The following TENM3 variants were observed in gnomAD, a reference collection of about 807,000 sequenced individuals.
The protein encoded by TENM3 is teneurin-3.
TENM3 carries 63 observed loss-of-function variants against 255.1 expected under a neutral mutation model. The observed-to-expected ratio is 0.25, with a 90% CI of 0.20 to 0.30. The LOEUF (loss-of-function observed/expected upper bound fraction) is 0.30. Ranked by LOEUF, TENM3 falls within the 10% of genes least tolerant of loss-of-function variation. The pLI, the probability that TENM3 is intolerant of heterozygous loss-of-function variation, is 1.00. For missense variants in TENM3, 2,929 were observed against 3,461.1 expected, an observed-to-expected ratio of 0.85 and a Z score of 3.86; for synonymous variants, 1,306 against 1,322.3, an observed-to-expected ratio of 0.99 and a Z score of 0.27.
chr4:182,475,787 T>C (rs536442975), intron 3 of TENM3, among the ~76,000 whole-genome samples: 1 of 152,314 alleles, frequency 6.6e-6, no homozygotes, highest in East Asian at 1.9e-4. Context: ...TTAATGTCTG[T>C]CTGTATTGAA....
chr4:182,346,374 G>A (rs1018447970), intron 2 of TENM3, among the ~76,000 whole-genome samples: 2 of 152,004 alleles, frequency 1.3e-5, no homozygotes, highest in African/African-American at 4.8e-5. Context: ...GAGTTCTCAT[G>A]GTTGGGGCCA....
chr4:182,353,208 C>T lies in TENM3; in HGVS notation c.511+6279C>T, dbSNP rs563874144. On this transcript the variant is annotated intron_variant, in intron 3 of 27. Coordinates refer to ENST00000511685, the MANE Select transcript of TENM3 (RefSeq NM_001080477.4). Reference sequence around the variant, plus strand: ...GCTTTATCCAGGAACCTTTTCTGAGCCTACTTTGGTTGTTGATTGAAAGAC... The same window carrying T: ...GCTTTATCCAGGAACCTTTTCTGAGTCTACTTTGGTTGTTGATTGAAAGAC... 5.3e-5 allele frequency among the ~76,000 whole-genome samples: 8 copies of T among 152,216 alleles called. No homozygotes were observed. The South Asian group carries it at 1.7e-3, about 32-fold the overall frequency.
chr4:182,707,155 T>C (rs1758342349), intron 12 of TENM3, among the ~76,000 whole-genome samples: 1 of 152,122 alleles, frequency 6.6e-6, no homozygotes, highest in East Asian at 1.9e-4. Context: ...TCTTGATTGT[T>C]CTCTTTTCCT....
At chr4:182,542,899 A>G (rs1434375816) in intron 3 of TENM3, among the ~76,000 whole-genome samples, 3 of 152,220 alleles carry the variant, frequency 2.0e-5, no homozygotes, top group Non-Finnish European at 4.4e-5. Context: ...AATCCTCACA[A>G]CAATTCTCGT....
At chr4:182,039,897 A>AAGGAGAGG in the TENM3 span, among the ~76,000 whole-genome samples, 1 of 145,410 alleles carries the variant, frequency 6.9e-6, no homozygotes, top group South Asian at 2.3e-4. Context: ...ATGGAAACGA[A>AAGGAGAGG]AGGAGAGGAG....
At chr4:182,422,328 C>T (rs1770896926) in intron 3 of TENM3, among the ~76,000 whole-genome samples, 1 of 152,158 alleles carries the variant, frequency 6.6e-6, no homozygotes, top group African/African-American at 2.4e-5. Context: ...AGAAAGCAAA[C>T]ACATTAGCTC....
intron 4 of TENM3, among the ~76,000 whole-genome samples, chr4:182,602,471 A>T (rs572803239): frequency 6.6e-6 from 1 of 152,304 alleles, no homozygotes; most frequent in East Asian, 1.9e-4. Context: ...CTTGAGGATG[A>T]GCTAGCAGGA....
At chr4:182,614,488 A>G (rs1280543587) in intron 4 of TENM3, among the ~76,000 whole-genome samples, 1 of 152,186 alleles carries the variant, frequency 6.6e-6, no homozygotes, top group East Asian at 1.9e-4. Flanking sequence ...CTGACTTACT[A>G]TGAGTATGTT....
intron 22 of TENM3, among the ~76,000 whole-genome samples, chr4:182,765,344 T>TTAA (rs1763613351): frequency 6.6e-6 from 1 of 152,244 alleles, no homozygotes; most frequent in Admixed American, 6.5e-5. Flanking sequence ...AACAGCTGTG[T>TTAA]TAATACTGAA....
chr4:181,770,535 C>A, the TENM3 span, among the ~76,000 whole-genome samples: 1 of 151,884 alleles, frequency 6.6e-6, no homozygotes, highest in Non-Finnish European at 1.5e-5. Flanking sequence ...ATTAGATGGG[C>A]GTGGTGGCGG....
chr4:182,410,066 G>C (rs1307452879), intron 3 of TENM3, among the ~76,000 whole-genome samples: 1 of 152,116 alleles, frequency 6.6e-6, no homozygotes, highest in Non-Finnish European at 1.5e-5. Context: ...GACTCAAGCT[G>C]TCTGCCTGCC....
At chr4:182,288,450 C>G (rs7684822) in intron 1 of TENM3, among the ~76,000 whole-genome samples, 3 of 152,128 alleles carry the variant, frequency 2.0e-5, no homozygotes, top group Non-Finnish European at 4.4e-5. Context: ...CTAGTTTTCA[C>G]GTAAGTTCCT....
intron 7 of TENM3, 126 bp downstream of exon 7, chr4:182,673,345 G>A: frequency 1.6e-6 from 1 of 630,070 alleles, no homozygotes; most frequent in South Asian, 2.2e-5. Flanking sequence ...TTCTACAGTA[G>A]AAAGAGTTTT....
the TENM3 span, among the ~76,000 whole-genome samples, chr4:181,794,470 A>G: frequency 6.6e-6 from 1 of 152,154 alleles, no homozygotes; most frequent in Non-Finnish European, 1.5e-5. Flanking sequence ...GCCCCTGGCA[A>G]CCGCCCTTCT....
At chr4:181,871,664 T>C in the TENM3 span, among the ~76,000 whole-genome samples, 3 of 152,128 alleles carry the variant, frequency 2.0e-5, no homozygotes, top group Admixed American at 2.0e-4. Flanking sequence ...AAATATTCAA[T>C]ATTTTGTTAT....
chr4:181,896,708 C>T, the TENM3 span, among the ~76,000 whole-genome samples: 3 of 152,316 alleles, frequency 2.0e-5, no homozygotes, highest in Non-Finnish European at 2.9e-5. Context: ...CCCTTCTCTT[C>T]GTTGCTACAG....
At chr4:182,355,777 T>C (rs971485451) in intron 3 of TENM3, among the ~76,000 whole-genome samples, 1 of 151,900 alleles carries the variant, frequency 6.6e-6, no homozygotes, top group Non-Finnish European at 1.5e-5. Flanking sequence ...ACTCAGTGAG[T>C]GATGGTATAA....
intron 24 of TENM3, among the ~76,000 whole-genome samples, chr4:182,776,322 G>A (rs1285148196): frequency 6.6e-6 from 1 of 152,172 alleles, no homozygotes; most frequent in Admixed American, 6.5e-5. Flanking sequence ...TAAGGCAGGA[G>A]GATTGCTTGA....
intron 16 of TENM3, among the ~76,000 whole-genome samples, chr4:182,735,204 G>T (rs1761070726): frequency 6.6e-6 from 1 of 152,146 alleles, no homozygotes; most frequent in Non-Finnish European, 1.5e-5. Flanking sequence ...CCGTTTTGTG[G>T]CTGAATTCAG....
Sources: allele counts gnomAD v4.1 joint callset (sites outside exome capture counted in the v4.1 genomes callset), GRCh38; gene constraint gnomAD v4.1.1; transcripts MANE v1.5; gene names NCBI Gene and HGNC (gene_info 2026-07-23, HGNC 2026-07-21).